Variants in TMEFF1 observed in about 807,000 individuals in gnomAD.
TMEFF1 encodes the protein tomoregulin-1.
In TMEFF1, 20 loss-of-function variants were observed where a neutral mutation model predicts 47.5. The ratio of observed to expected loss-of-function variants is 0.42; its 90% confidence interval spans 0.30 to 0.61. The LOEUF is 0.61. TMEFF1 is among the 20% of genes least tolerant of loss of function. The pLI is 0.19. For missense variants in TMEFF1, 411 were observed against 471.1 expected, an observed-to-expected ratio of 0.87 and a Z score of 1.18; for synonymous variants, 162 against 166.3, an observed-to-expected ratio of 0.97 and a Z score of 0.20.
At chr9:100,482,489 C>G (rs1837361908) in intron 1 of TMEFF1, among the ~76,000 whole-genome samples, 1 of 152,152 alleles carries the variant, frequency 6.6e-6, no homozygotes, top group African/African-American at 2.4e-5. Flanking sequence ...TGAGCCACCA[C>G]TCTGGCCTGC....
rs752427622 is a variant in TMEFF1, at chr9:100,497,320, CT to C, written c.197-1421del. ...TCTTGCTTTAAGTTTCCACTCATGT[CT>C]TTTTTTTTTTTTTTTTTTTTTTTGG... On this transcript the variant is annotated intron_variant, in intron 1 of 9. Transcript: ENST00000374879. 7.8e-3 allele frequency among the ~76,000 whole-genome samples: 463 copies of C among 59,554 alleles called. 4 individuals are homozygous for C. The highest frequency in any genetic ancestry group is 0.011 in the South Asian group (12 of 1,096). The allele number at this position is 59,554 out of a possible 152,430, so 39.1% of individuals were successfully genotyped here. A position where few individuals can be genotyped will look rare whatever the true frequency, so the allele number is the denominator to read the frequency against.
intron 3 of TMEFF1, 113 bp downstream of exon 3, chr9:100,509,247 T>C (rs1211888861): frequency 8.0e-5 from 106 of 1,326,862 alleles, no homozygotes; most frequent in Non-Finnish European, 5.8e-6. Context: ...TTGGTGGTGG[T>C]TGTTGCGGGG....
rs1436905655 is a variant in TMEFF1 at position 100,576,849 on chromosome 9, C to T, written c.*249C>T. The T allele has an allele frequency of 6.1e-6, 2 of 330,268 alleles. No individual in the cohort carries two copies. Among genetic ancestry groups the T allele is most frequent in the Non-Finnish European group, 1.1e-5 (2 of 183,810 alleles). The allele number at this position is 330,268 out of a possible 1,614,324, so 20.5% of individuals were successfully genotyped here. On this transcript the variant is annotated 3_prime_UTR_variant, in exon 10 of 10. Transcript: ENST00000374879. ...GTAATTCTAAGACTTGTTCTTTACC[C>T]ATGGAATGTAATATTTTTGCAAAGA...
chr9:100,513,271 A>C, intron 3 of TMEFF1, 36 bp from the exon 4 acceptor site: 2 of 1,577,872 alleles, frequency 1.3e-6, no homozygotes, highest in Non-Finnish European at 1.7e-6. Context: ...ATTTCCGGGA[A>C]AAATGTTCAT....
chr9:100,552,219 A>G (rs1427295642), intron 7 of TMEFF1, among the ~76,000 whole-genome samples: 1 of 152,220 alleles, frequency 6.6e-6, no homozygotes, highest in Admixed American at 6.5e-5. Context: ...ATTTGAAAAA[A>G]GCAAGGCTAC....
Position 100,551,924 on chromosome 9 carries a change from C to T in TMEFF1, c.775+1764C>T, listed in dbSNP as rs963873875. Reference sequence around the variant, plus strand: ...GGAACAGTGGGAATCTGTGAAATGTCTTGGAAGAAGTGGAACTTGAGTGAA... The same window carrying T: ...GGAACAGTGGGAATCTGTGAAATGTTTTGGAAGAAGTGGAACTTGAGTGAA... On this transcript the variant is annotated intron_variant, in intron 7 of 9. Transcript: ENST00000374879. Among the ~76,000 whole-genome samples the T allele has an allele frequency of 7.9e-5, 12 of 152,216 alleles. No individual in the cohort carries two copies. The South Asian group carries it at 2.1e-3, about 26-fold the overall frequency.
At chr9:100,484,625 CTTTACATTCTTTAGCAGTCACT>C (rs1228913022) in intron 1 of TMEFF1, among the ~76,000 whole-genome samples, 1 of 150,226 alleles carries the variant, frequency 6.7e-6, no homozygotes, top group African/African-American at 2.5e-5. Flanking sequence ...GGCCAAGGAA[CTTTACATTCTTTAGCAGTCACT>C]CCCCAATCCC....
At chr9:100,530,793 T>G (rs1246972663) in intron 5 of TMEFF1, among the ~76,000 whole-genome samples, 1 of 151,966 alleles carries the variant, frequency 6.6e-6, no homozygotes, top group South Asian at 2.1e-4. Context: ...AAAAAGAGAA[T>G]TTTAGACCAA....
intron 8 of TMEFF1, among the ~76,000 whole-genome samples, chr9:100,565,607 C>T (rs553263259): frequency 6.6e-6 from 1 of 152,184 alleles, no homozygotes; most frequent in East Asian, 1.9e-4. Flanking sequence ...GTACCTTCTC[C>T]TCTCTCCTCA....
chr9:100,498,222 A>T (rs1336991787), intron 1 of TMEFF1, among the ~76,000 whole-genome samples: 1 of 152,156 alleles, frequency 6.6e-6, no homozygotes, highest in Non-Finnish European at 1.5e-5. Flanking sequence ...TTCTGTGTAC[A>T]CAAATGCTCC....
intron 1 of TMEFF1, among the ~76,000 whole-genome samples, chr9:100,486,456 G>T (rs1012012176): frequency 2.0e-5 from 3 of 152,056 alleles, no homozygotes; most frequent in Non-Finnish European, 4.4e-5. Flanking sequence ...TGGCCAGGCT[G>T]GTCTTGAACC....
At chr9:100,559,400 A>ATCTGTTTTG (rs927533511) in intron 7 of TMEFF1, among the ~76,000 whole-genome samples, 6 of 152,268 alleles carry the variant, frequency 3.9e-5, no homozygotes, top group African/African-American at 1.4e-4. Flanking sequence ...TAAATTAGTG[A>ATCTGTTTTG]TCTGTTTTGC....
At chr9:100,479,019 T>C (rs1009360348) in intron 1 of TMEFF1, among the ~76,000 whole-genome samples, 1 of 152,206 alleles carries the variant, frequency 6.6e-6, no homozygotes, top group Non-Finnish European at 1.5e-5. Flanking sequence ...ATGGTATTAA[T>C]GGACGATATA....
intron 1 of TMEFF1, among the ~76,000 whole-genome samples, chr9:100,483,366 G>A (rs756904003): frequency 1.3e-4 from 20 of 151,994 alleles, no homozygotes; most frequent in Non-Finnish European, 1.5e-4. Context: ...GCATGGTGGC[G>A]CATGCCTGTA....
At chr9:100,564,560 T>C (rs1839086294) in intron 8 of TMEFF1, among the ~76,000 whole-genome samples, 1 of 152,134 alleles carries the variant, frequency 6.6e-6, no homozygotes, top group African/African-American at 2.4e-5. Flanking sequence ...TACACAGCTA[T>C]ACATGAGGCG....
intron 1 of TMEFF1, among the ~76,000 whole-genome samples, chr9:100,495,127 T>A (rs1837628156): frequency 6.6e-6 from 1 of 152,174 alleles, no homozygotes. Flanking sequence ...GACACCAGTG[T>A]TCCTGAGGAA....
chr9:100,527,379 G>A (rs1261031405), intron 5 of TMEFF1, among the ~76,000 whole-genome samples: 1 of 152,184 alleles, frequency 6.6e-6, no homozygotes, highest in East Asian at 1.9e-4. Flanking sequence ...GTCAGTGGGT[G>A]CGCGCACAGT....
At position 100,529,188 on chromosome 9, in the gene TMEFF1, G is replaced by A. The variant is rs1213347537; in HGVS notation, c.560+12417G>A. ...CTAGGAAGAAACTGCATCAACTAAC[G>A]AGCAAAATAACCAGCTAACATCATC... is the stretch of plus-strand genomic sequence containing the variant. On this transcript the variant is annotated intron_variant, in intron 5 of 9. Coordinates refer to ENST00000374879, the MANE Select transcript of TMEFF1 (RefSeq NM_003692.5). Among the ~76,000 whole-genome samples, 340 of 149,662 alleles carry A rather than the reference G, an allele frequency of 2.3e-3. 2 individuals carry two copies. The highest frequency in any genetic ancestry group is 9.5e-3 in the South Asian group (45 of 4,726).
At chr9:100,549,895 T>C (rs1474013653) in intron 6 of TMEFF1, among the ~76,000 whole-genome samples, 200 bp from the exon 7 acceptor site, 1 of 152,200 alleles carries the variant, frequency 6.6e-6, no homozygotes, top group African/African-American at 2.4e-5. Context: ...CTATTCATCA[T>C]GCAAAGAGCA....
Sources: gnomAD v4.1 joint callset for allele counts (sites outside exome capture counted in the v4.1 genomes callset) on GRCh38, gnomAD v4.1.1 for gene constraint, MANE v1.5 for transcripts, NCBI Gene and HGNC (gene_info 2026-07-23, HGNC 2026-07-21) for gene names.